Variants in SMARCB1 observed in about 807,000 individuals in gnomAD.
SMARCB1 encodes the protein SWI/SNF-related matrix-associated actin-dependent regulator of chromatin subfamily B member 1.
In SMARCB1, 5 loss-of-function variants were observed where a neutral mutation model predicts 49.0. The ratio of observed to expected loss-of-function variants is 0.10; its 90% CI spans 0.05 to 0.21. SMARCB1 has a LOEUF of 0.21. Among genes scored for constraint, SMARCB1 ranks in the 10% least tolerant of loss-of-function variants. The pLI, the probability that SMARCB1 is intolerant of heterozygous loss-of-function variation, is 1.00. For missense variants in SMARCB1, 226 were observed against 509.2 expected (o/e 0.44, Z 5.35); for synonymous variants, 201 against 200.1 (o/e 1.00, Z -0.04).
intron 6 of SMARCB1, among the ~76,000 whole-genome samples, chr22:23,819,110 C>T (rs1282027636): frequency 6.6e-6 from 1 of 152,204 alleles, no homozygotes; most frequent in African/African-American, 2.4e-5. Flanking sequence ...CCTGAGCCTC[C>T]CAAAGTGCTG....
chr22:23,806,599 C>T (rs1343233982), intron 5 of SMARCB1, among the ~76,000 whole-genome samples: 4 of 152,074 alleles, frequency 2.6e-5, no homozygotes, highest in South Asian at 4.1e-4. Context: ...TTGAGTAGCA[C>T]GAATGAAGTG....
At chr22:23,831,409 G>T (rs924594723) in intron 7 of SMARCB1, among the ~76,000 whole-genome samples, 9 of 152,176 alleles carry the variant, frequency 5.9e-5, no homozygotes, top group African/African-American at 2.2e-4. Flanking sequence ...ACTTTGGGTG[G>T]TAGGAAGGTC....
intron 1 of SMARCB1, among the ~76,000 whole-genome samples, chr22:23,791,535 G>A (rs1420776532): frequency 2.6e-5 from 4 of 152,304 alleles, no homozygotes; most frequent in East Asian, 3.9e-4. Context: ...CAGGCCTTTC[G>A]GAACTTGGTT....
At position 23,836,355 on chromosome 22, in the gene SMARCB1, C is replaced by T; in HGVS notation, c.*2175C>T. On this transcript the variant is annotated 3_prime_UTR_variant, in exon 9 of 9. Transcript: ENST00000644036. ...GGCTAGATTGGCATCAGCCTGAAGG[C>T]ACCACTGGCAGGAACATCTGTAGGC... 1 of 985,608 alleles carries T rather than the reference C, an allele frequency of 1.0e-6. No homozygotes were observed. The highest frequency in any genetic ancestry group is 1.2e-6 in the Non-Finnish European group (1 of 830,052). 61.1% of individuals were successfully genotyped at this position (985,608 alleles called of 1,614,324 possible).
rs2031226482 is a variant in SMARCB1 at position 23,837,883 on chromosome 22, A to T, written c.*3703A>T. On this transcript the variant is annotated 3_prime_UTR_variant, in exon 9 of 9. Coordinates refer to ENST00000644036, the MANE Select transcript of SMARCB1 (RefSeq NM_003073.5). ...GGCCAGAGTCAAGGTGCTCCGGTGC[A>T]GGCCTCAGCCCAAGCCCAGGGCCCC... The T allele has an allele frequency of 1.9e-6, 3 of 1,595,576 alleles. No individual in the cohort carries two copies. Among genetic ancestry groups the T allele is most frequent in the East Asian group, 2.2e-5 (1 of 44,500 alleles).
rs2145982978 is a variant in SMARCB1, at chr22:23,803,382, T to C, written c.588T>C (p.Asp196=). The C allele has an allele frequency of 6.2e-7, 1 of 1,614,150 alleles. No individual in the cohort carries two copies. Among genetic ancestry groups the C allele is most frequent in the Non-Finnish European group, 8.5e-7 (1 of 1,180,036 alleles). The change falls in exon 5 of 9, where the codon GAT becomes GAC. Residue 196 remains aspartate, a synonymous_variant. Coordinates refer to ENST00000644036, the MANE Select transcript of SMARCB1 (RefSeq NM_003073.5). ...LVPIRLDMEI[D]GQKLRDAFTW... ...CCATCCGGCTGGACATGGAGATCGATGGGCAGAAGCTGCGAGACGCCTTCA... is the reference window on the plus strand; with the variant it reads ...CCATCCGGCTGGACATGGAGATCGACGGGCAGAAGCTGCGAGACGCCTTCA...
Position 23,837,064 on chromosome 22 carries a change from A to G in SMARCB1, c.*2884A>G, listed in dbSNP as rs2031114039. 1 of 1,613,752 alleles carries G rather than the reference A, an allele frequency of 6.2e-7. No individual in the cohort carries two copies. Among genetic ancestry groups the G allele is most frequent in the East Asian group, 2.2e-5 (1 of 44,868 alleles). ...GGGAGGGAGGGCTCTCAACACTCAC[A>G]GGAAGCCAGGGGTCTGCAGGAGCCT... On this transcript the variant is annotated 3_prime_UTR_variant, in exon 9 of 9. Transcript: ENST00000644036.
intron 5 of SMARCB1, among the ~76,000 whole-genome samples, chr22:23,807,329 C>A (rs1929554543): frequency 6.6e-6 from 1 of 151,874 alleles, no homozygotes; most frequent in Non-Finnish European, 1.5e-5. Context: ...AGGCTGAGCA[C>A]AGTTGCTCAC....
intron 3 of SMARCB1, among the ~76,000 whole-genome samples, chr22:23,797,000 C>CTTTTTTTTTTT (rs1166157626): frequency 4.4e-5 from 6 of 135,392 alleles, no homozygotes; most frequent in African/African-American, 1.4e-4. Context: ...GGTTGTTTTT[C>CTTTTTTTTTTT]TTTTTTTTTT....
intron 6 of SMARCB1, chr22:23,817,273 C>G (rs992313897): frequency 1.2e-5 from 5 of 434,586 alleles, no homozygotes; most frequent in African/African-American, 9.9e-5. Context: ...CAATAAGATG[C>G]TGCCTTAGTG....
chr22:23,795,760 T>C (rs1467688977), intron 3 of SMARCB1, among the ~76,000 whole-genome samples: 1 of 150,748 alleles, frequency 6.6e-6, no homozygotes. Context: ...GAAGGTGTGA[T>C]AGAACTGCAC....
intron 3 of SMARCB1, 53 bp downstream of exon 3, chr22:23,793,741 G>A: frequency 6.4e-7 from 1 of 1,565,414 alleles, no homozygotes; most frequent in African/African-American, 1.4e-5. Flanking sequence ...GGTCTTTTCT[G>A]AGACTCAAGA....
At chr22:23,802,813 C>T in intron 4 of SMARCB1, 1 of 300,754 alleles carries the variant, frequency 3.3e-6, no homozygotes, top group South Asian at 3.1e-5. Context: ...GAGGGAAGAA[C>T]TGTGGGTGCT....
At position 23,834,072 on chromosome 22, in the gene SMARCB1, G is replaced by A. The variant is rs1015220117; in HGVS notation, c.1119-69G>A. The A allele has an allele frequency of 1.4e-5, 21 of 1,512,422 alleles. No homozygotes were observed. The African/African-American group carries it at 2.9e-4, about 21-fold the overall frequency. The allele number at this position is 1,512,422 out of a possible 1,614,324, so 93.7% of individuals were successfully genotyped here. On this transcript the variant is annotated intron_variant, in intron 8 of 8. Coordinates refer to ENST00000644036, the MANE Select transcript of SMARCB1 (RefSeq NM_003073.5). Reference sequence around the variant, plus strand: ...CCCCTACACTTGGCTGCCCTGTAGAGCCTTGGGAAGGGCAGCGCCCAGGCT... The same window carrying A: ...CCCCTACACTTGGCTGCCCTGTAGAACCTTGGGAAGGGCAGCGCCCAGGCT...
At chr22:23,830,985 T>C (rs1171882305) in intron 7 of SMARCB1, among the ~76,000 whole-genome samples, 1 of 152,208 alleles carries the variant, frequency 6.6e-6, no homozygotes, top group Non-Finnish European at 1.5e-5. Flanking sequence ...TTTTAGTTTG[T>C]TGCTAGTGCT....
Position 23,835,075 on chromosome 22 carries a change from C to A in SMARCB1, c.*895C>A. ...CAGCAGGTGCTGTGGCCTGGGCCAG[C>A]TCCTGCCTTACAAGCCAGCTGTGAG... is the stretch of plus-strand genomic sequence containing the variant. On this transcript the variant is annotated 3_prime_UTR_variant, in exon 9 of 9. Transcript: ENST00000644036. 2.1e-6 allele frequency: 3 copies of A among 1,399,106 alleles called. No individual in the cohort carries two copies. The highest frequency in any genetic ancestry group is 2.8e-6 in the Non-Finnish European group (3 of 1,079,616). 86.7% of individuals were successfully genotyped at this position (1,399,106 alleles called of 1,614,324 possible). A position where few individuals can be genotyped will look rare whatever the true frequency, so the allele number is the denominator to read the frequency against.
intron 3 of SMARCB1, among the ~76,000 whole-genome samples, chr22:23,797,583 T>A (rs1928848506): frequency 7.2e-6 from 1 of 138,860 alleles, no homozygotes; most frequent in Non-Finnish European, 1.5e-5. Context: ...GTGCTGGGAT[T>A]ACAGACATGA....
intron 1 of SMARCB1, among the ~76,000 whole-genome samples, chr22:23,790,659 A>G (rs1237881771): frequency 6.6e-6 from 1 of 152,098 alleles, no homozygotes; most frequent in Non-Finnish European, 1.5e-5. Context: ...CCTGGGCAAC[A>G]TGGTGAAACT....
In SMARCB1 at chr22:23,836,959, C is replaced by T. The variant is rs1366615781; in HGVS notation, c.*2779C>T. 5 of 1,597,416 alleles carry T rather than the reference C, an allele frequency of 3.1e-6. No homozygotes were observed. The highest frequency in any genetic ancestry group is 4.3e-6 in the Non-Finnish European group (5 of 1,172,404). On this transcript the variant is annotated 3_prime_UTR_variant, in exon 9 of 9. Transcript: ENST00000644036. ...CTTCTGCAGGGGCATCCAGGAGCAG[C>T]TTTCTGTGGGGAGGGGCCCGTGTTG...
Sources: gnomAD v4.1 joint callset for allele counts (sites outside exome capture counted in the v4.1 genomes callset) on GRCh38, gnomAD v4.1.1 for gene constraint, MANE v1.5 for transcripts, NCBI Gene and HGNC (gene_info 2026-07-23, HGNC 2026-07-21) for gene names.